The following KIAA1328 variants were observed in gnomAD, a reference collection of about 807,000 sequenced individuals.
The protein encoded by KIAA1328 is KIAA1328, also known as protein hinderin.
A neutral mutation model predicts 68.1 loss-of-function variants in KIAA1328; 52 were observed. The observed-to-expected ratio is 0.76, with a 90% CI of 0.61 to 0.96. The LOEUF is 0.96. Ranked by LOEUF, KIAA1328 falls within the 40% of genes least tolerant of loss-of-function variation. The probability of loss-of-function intolerance (pLI) is 0.00; values close to 1 mark genes in which losing one functional copy is unlikely to be tolerated. For synonymous variants in KIAA1328, 232 were observed against 239.4 expected (o/e 0.97, Z 0.28); for missense variants, 641 against 677.6 (o/e 0.95, Z 0.60).
intron 9 of KIAA1328, among the ~76,000 whole-genome samples, chr18:37,203,971 AGCTAATT>A (rs1368790837): frequency 6.6e-6 from 1 of 152,044 alleles, no homozygotes; most frequent in Non-Finnish European, 1.5e-5. Context: ...CACCACACGC[AGCTAATT>A]TTTTTGTATG....
At chr18:37,001,262 G>C (rs57939228) in intron 6 of KIAA1328, among the ~76,000 whole-genome samples, 16,142 of 152,026 alleles carry the variant, frequency 0.11, 1,089 homozygotes, top group Non-Finnish European at 0.13. Flanking sequence ...TGAAAAACTG[G>C]AAAATCTATA....
chr18:36,999,195 A>G (rs1568273226), intron 6 of KIAA1328, among the ~76,000 whole-genome samples: 1 of 152,222 alleles, frequency 6.6e-6, no homozygotes, highest in Non-Finnish European at 1.5e-5. Flanking sequence ...CTCAGAACTT[A>G]AAGATGAGTC....
At chr18:36,867,351 T>C (rs998218284) in intron 4 of KIAA1328, among the ~76,000 whole-genome samples, 2 of 152,208 alleles carry the variant, frequency 1.3e-5, no homozygotes, top group Non-Finnish European at 2.9e-5. Flanking sequence ...CTGCTGTGGG[T>C]AAAAGCTTTC....
At chr18:37,161,990 CA>C (rs1181954916) in intron 8 of KIAA1328, among the ~76,000 whole-genome samples, 4 of 151,660 alleles carry the variant, frequency 2.6e-5, no homozygotes, top group Admixed American at 1.3e-4. Flanking sequence ...GTCTTGTGTC[CA>C]AAAAAAATCA....
chr18:37,015,150 C>A (rs1041960338), intron 6 of KIAA1328, among the ~76,000 whole-genome samples: 1 of 152,042 alleles, frequency 6.6e-6, no homozygotes, highest in African/African-American at 2.4e-5. Flanking sequence ...ATCCACCCAC[C>A]TCAGCCTCCC....
chr18:37,032,358 T>C (rs1480790890), intron 6 of KIAA1328, among the ~76,000 whole-genome samples: 1 of 152,204 alleles, frequency 6.6e-6, no homozygotes, highest in Non-Finnish European at 1.5e-5. Context: ...ATTAAATTAA[T>C]ATTTTAAATA....
chr18:36,961,251 A>G (rs1174877393), intron 6 of KIAA1328, among the ~76,000 whole-genome samples: 1 of 152,202 alleles, frequency 6.6e-6, no homozygotes, highest in Non-Finnish European at 1.5e-5. Flanking sequence ...TAAAGTGAGA[A>G]GACAAGCTTA....
intron 9 of KIAA1328, among the ~76,000 whole-genome samples, chr18:37,201,886 ACCAGTCTTTTACCAAGTCTGTTGG>A (rs1227030320): frequency 6.6e-6 from 1 of 152,212 alleles, no homozygotes; most frequent in Non-Finnish European, 1.5e-5. Context: ...AAGGTACTGG[ACCAGTCTTTTACCAAGTCTGTTGG>A]CTTTCTAAAA....
chr18:36,976,951 A>G (rs1409242720), intron 6 of KIAA1328, among the ~76,000 whole-genome samples: 1 of 152,194 alleles, frequency 6.6e-6, no homozygotes, highest in African/African-American at 2.4e-5. Context: ...TTTCATACGG[A>G]GTATTGATTA....
intron 3 of KIAA1328, among the ~76,000 whole-genome samples, chr18:36,842,766 A>C (rs959663570): frequency 6.6e-6 from 1 of 151,870 alleles, no homozygotes; most frequent in East Asian, 1.9e-4. Flanking sequence ...GTTATCAGCA[A>C]CTTCCTCCAT....
chr18:37,018,283 A>G (rs2054222888), intron 6 of KIAA1328, among the ~76,000 whole-genome samples: 1 of 152,160 alleles, frequency 6.6e-6, no homozygotes, highest in Admixed American at 6.6e-5. Context: ...GAATGCTGAA[A>G]ATAGGCTCCC....
At chr18:36,973,850 C>CACAT (rs983579773) in intron 6 of KIAA1328, among the ~76,000 whole-genome samples, 1 of 149,156 alleles carries the variant, frequency 6.7e-6, no homozygotes, top group African/African-American at 2.5e-5. Context: ...CACACACACA[C>CACAT]ATATATATCT....
intron 6 of KIAA1328, among the ~76,000 whole-genome samples, chr18:37,040,087 A>G (rs571956039): frequency 6.6e-6 from 1 of 152,272 alleles, no homozygotes; most frequent in East Asian, 1.9e-4. Context: ...TTATGCTTCA[A>G]ATCTCATTGA....
chr18:37,144,132 G>C (rs1020896275), intron 7 of KIAA1328, among the ~76,000 whole-genome samples: 1 of 151,962 alleles, frequency 6.6e-6, no homozygotes, highest in Non-Finnish European at 1.5e-5. Context: ...CTTTCTTCTT[G>C]AGTTAGTTTT....
intron 9 of KIAA1328, among the ~76,000 whole-genome samples, chr18:37,186,117 T>G (rs949175744): frequency 6.8e-6 from 1 of 147,342 alleles, no homozygotes; most frequent in Admixed American, 6.8e-5. Flanking sequence ...TTTTTTTTTT[T>G]GTGAGGCAGG....
At chr18:36,866,752 G>T (rs1016777565) in intron 4 of KIAA1328, among the ~76,000 whole-genome samples, 3 of 152,074 alleles carry the variant, frequency 2.0e-5, no homozygotes, top group African/African-American at 7.2e-5. Flanking sequence ...AAGTTGTTTT[G>T]ATTTACATCT....
chr18:37,209,115 C>G (rs1379318434), intron 9 of KIAA1328, among the ~76,000 whole-genome samples: 4 of 152,058 alleles, frequency 2.6e-5, no homozygotes, highest in Non-Finnish European at 5.9e-5. Flanking sequence ...AAAATGGTCC[C>G]AATATATTAA....
intron 5 of KIAA1328, among the ~76,000 whole-genome samples, chr18:36,915,694 G>T (rs2049666891): frequency 6.6e-6 from 1 of 152,108 alleles, no homozygotes; most frequent in Non-Finnish European, 1.5e-5. Context: ...TACTGTCAGG[G>T]ATGCAGGGGA....
intron 7 of KIAA1328, among the ~76,000 whole-genome samples, chr18:37,078,982 A>T (rs1186666003): frequency 2.6e-5 from 4 of 151,940 alleles, no homozygotes; most frequent in Non-Finnish European, 5.9e-5. Flanking sequence ...ATTACTGGGT[A>T]TATACCCAAA....
Sources: allele counts gnomAD v4.1 joint callset (sites outside exome capture counted in the v4.1 genomes callset), GRCh38; gene constraint gnomAD v4.1.1; transcripts MANE v1.5; gene names NCBI Gene and HGNC (gene_info 2026-07-23, HGNC 2026-07-21).